The following LMNA variants were observed in gnomAD, a reference collection of about 807,000 sequenced individuals.
The protein encoded by LMNA is lamin.
In LMNA, 20 loss-of-function variants were observed where a neutral mutation model predicts 70.4. The ratio of observed to expected loss-of-function variants is 0.28; its 90% CI spans 0.20 to 0.41. LMNA has a LOEUF of 0.41. Ranked by LOEUF, LMNA falls within the 10% of genes least tolerant of loss-of-function variation. The probability of loss-of-function intolerance (pLI) is 1.00; values close to 1 mark genes in which losing one functional copy is unlikely to be tolerated. For synonymous variants in LMNA, 339 were observed against 372.8 expected, an observed-to-expected ratio of 0.91 and a Z score of 1.04; for missense variants, 652 against 917.2, an observed-to-expected ratio of 0.71 and a Z score of 3.73.
At chr1:156,105,131 G>T (rs1268722916) in intron 3 of LMNA, among the ~76,000 whole-genome samples, 1 of 152,176 alleles carries the variant, frequency 6.6e-6, no homozygotes, top group African/African-American at 2.4e-5. Flanking sequence ...AGTGAGGTGG[G>T]CTCTTGGCAT....
intron 1 of LMNA, among the ~76,000 whole-genome samples, chr1:156,118,316 T>C (rs1332044119): frequency 6.6e-6 from 1 of 152,116 alleles, no homozygotes; most frequent in Non-Finnish European, 1.5e-5. Context: ...ACAGATTGAG[T>C]GGATTCGATA....
At chr1:156,119,214 T>C (rs1022374403) in intron 1 of LMNA, among the ~76,000 whole-genome samples, 2 of 151,270 alleles carry the variant, frequency 1.3e-5, no homozygotes, top group Non-Finnish European at 2.9e-5. Context: ...ACCTCCCAGG[T>C]TCAAGCGATT....
In LMNA at chr1:156,137,203, C is replaced by A; in HGVS notation, c.1579C>A (p.Arg527Ser). 6.3e-7 allele frequency: 1 copy of A among 1,599,164 alleles called. No homozygotes were observed. The highest frequency in any genetic ancestry group is 2.3e-5 in the East Asian group (1 of 44,306). Residue 527 changes from arginine (R) to serine (S), a missense_variant, in exon 9 of 12, where the codon CGT becomes AGT. Arg to Ser is a moderately radical substitution (Grantham distance 110). Around this residue, in one of 4 missense-constraint regions of LMNA, gnomAD observed 327 missense variants for 387.6 expected, o/e 0.84. Transcript: ENST00000368300. This position sits in a 1 kb window ranked among gnomAD's most constrained non-coding sequence, Gnocchi z 4.6. ...CACCTGGGGCTGCGGGAACAGCCTGCGTACGGCTCTCATCAACTCCACTGG... is the reference window on the plus strand; with the variant it reads ...CACCTGGGGCTGCGGGAACAGCCTGAGTACGGCTCTCATCAACTCCACTGG... ...QNTWGCGNSL[R>S]TALINSTGEE...
intron 2 of LMNA, chr1:156,083,296 T>A (rs536923713): frequency 6.6e-6 from 1 of 151,718 alleles, no homozygotes; most frequent in Non-Finnish European, 1.5e-5. Context: ...GGACGGAGAG[T>A]GGGCAGGCAG....
chr1:156,102,469 C>T (rs1649176135), intron 3 of LMNA, among the ~76,000 whole-genome samples: 1 of 152,204 alleles, frequency 6.6e-6, no homozygotes, highest in South Asian at 2.1e-4. Context: ...CATTCTTGTC[C>T]TAAAACTGGG....
intron 2 of LMNA, among the ~76,000 whole-genome samples, chr1:156,087,536 C>T (rs11264434): frequency 0.26 from 40,034 of 151,526 alleles, 7,082 homozygotes; most frequent in East Asian, 0.72. Flanking sequence ...CCATCGCGCC[C>T]GGCTCCCATT....
chr1:156,106,332 C>T (rs1031848182), intron 3 of LMNA, among the ~76,000 whole-genome samples: 34 of 152,348 alleles, frequency 2.2e-4, no homozygotes, highest in African/African-American at 7.9e-4. Flanking sequence ...GGGCCCTCTC[C>T]TCCAGCTCCA....
At chr1:156,091,508 A>G (rs1366203939) in intron 3 of LMNA, among the ~76,000 whole-genome samples, 1 of 152,156 alleles carries the variant, frequency 6.6e-6, no homozygotes, top group African/African-American at 2.4e-5. Context: ...AGGCTGAGGC[A>G]GGAGAATCTC....
In LMNA at chr1:156,137,020, G is replaced by T. The variant is rs760277884; in HGVS notation, c.1480G>T (p.Val494Leu). The T allele has an allele frequency of 1.2e-6, 2 of 1,614,114 alleles. No homozygotes were observed. The highest frequency in any genetic ancestry group is 1.7e-6 in the Non-Finnish European group (2 of 1,180,048). Reference protein sequence around the residue: ...PPKFTLKAGQVVTIWAAGAGA... With the variant: ...PPKFTLKAGQLVTIWAAGAGA... ...AAAGTTCACCCTGAAGGCTGGGCAG[G>T]TGGTGACGGTGAGTGGCAGGGCGCT... is the stretch of plus-strand genomic sequence containing the variant. The change falls in exon 8 of 12, where the codon GTG becomes TTG. Residue 494 changes from valine (V) to leucine (L), a missense_variant. This residue lies in a region of LMNA where 327 missense variants were observed against 387.6 expected (regional missense o/e 0.84). Coordinates refer to ENST00000368300, the MANE Select transcript of LMNA (RefSeq NM_170707.4). The surrounding 1 kb of genome is among the most constrained non-coding windows in gnomAD (Gnocchi z 4.6).
chr1:156,093,197 ACTTT>A (rs573189583), intron 3 of LMNA, among the ~76,000 whole-genome samples: 1 of 150,636 alleles, frequency 6.6e-6, no homozygotes, highest in Non-Finnish European at 1.5e-5. Flanking sequence ...GCCCACATGG[ACTTT>A]CTTTCAGGGC....
rs753243743 is a variant in LMNA at position 156,134,894 on chromosome 1, T to C, written c.729T>C (p.Asp243=). ...GTGAGTTTGAGAGCCGGCTGGCGGATGCGCTGCAGGAACTGCGGGCCCAGC... is the reference window on the plus strand; with the variant it reads ...GTGAGTTTGAGAGCCGGCTGGCGGACGCGCTGCAGGAACTGCGGGCCCAGC... ...KQREFESRLA[D]ALQELRAQHE... is the part of the protein sequence containing the mutation. Residue 243 remains aspartate, a synonymous_variant, in exon 4 of 12, where the codon GAT becomes GAC. Transcript: ENST00000368300. The surrounding 1 kb of genome is among the most constrained non-coding windows in gnomAD (Gnocchi z 5.3). 5 of 1,614,198 alleles carry C rather than the reference T, an allele frequency of 3.1e-6. No individual in the cohort carries two copies. The highest frequency in any genetic ancestry group is 4.2e-6 in the Non-Finnish European group (5 of 1,180,036).
intron 1 of LMNA, among the ~76,000 whole-genome samples, chr1:156,118,253 A>C (rs1649972203): frequency 1.3e-5 from 2 of 152,164 alleles, no homozygotes; most frequent in Non-Finnish European, 2.9e-5. Flanking sequence ...AAGCCCTGTG[A>C]AGGACATTTT....
intron 3 of LMNA, among the ~76,000 whole-genome samples, chr1:156,107,778 G>A (rs1313266798): frequency 3.9e-5 from 6 of 151,928 alleles, no homozygotes; most frequent in African/African-American, 9.7e-5. Context: ...TTACAACCTC[G>A]TGGAGTTTGG....
At chr1:156,132,426 G>T (rs1178251937) in intron 2 of LMNA, among the ~76,000 whole-genome samples, 1 of 150,468 alleles carries the variant, frequency 6.6e-6, no homozygotes, top group East Asian at 2.0e-4. Flanking sequence ...GCCAAGATCG[G>T]GTCACAGCAC....
chr1:156,130,812 A>C, intron 2 of LMNA, 39 bp downstream of exon 2: 1 of 1,545,996 alleles, frequency 6.5e-7, no homozygotes. Flanking sequence ...GGCCCCACCT[A>C]ACACATGTAC....
chr1:156,105,477 TC>T (rs1478436781), intron 3 of LMNA, among the ~76,000 whole-genome samples: 2 of 150,490 alleles, frequency 1.3e-5, no homozygotes. Flanking sequence ...CCAGGAAATC[TC>T]CTGCAGATTC....
rs1490211361 is a variant in LMNA, at chr1:156,138,148, C to T, written c.1699-340C>T. Reference sequence around the variant, plus strand: ...AAGAATGTTCTCTCTCATTCCTGACCGCCCCTCCACTCCAATTAATAGTGC... The same window carrying T: ...AAGAATGTTCTCTCTCATTCCTGACTGCCCCTCCACTCCAATTAATAGTGC... On this transcript the variant is annotated intron_variant, in intron 10 of 11. Coordinates refer to ENST00000368300, the MANE Select transcript of LMNA (RefSeq NM_170707.4). The surrounding 1 kb of genome is among the most constrained non-coding windows in gnomAD (Gnocchi z 5.5). 1.7e-5 allele frequency: 9 copies of T among 533,068 alleles called. No homozygotes were observed. Among genetic ancestry groups the T allele is most frequent in the South Asian group, 1.3e-4 (6 of 46,168 alleles). 33.0% of individuals were successfully genotyped at this position (533,068 alleles called of 1,614,324 possible). A position where few individuals can be genotyped will look rare whatever the true frequency, so the allele number is the denominator to read the frequency against.
chr1:156,132,840 T>C (rs1005839439), intron 2 of LMNA, among the ~76,000 whole-genome samples: 5 of 144,692 alleles, frequency 3.5e-5, no homozygotes, highest in African/African-American at 5.0e-5. Flanking sequence ...TCTCTCTCTT[T>C]TTTTTTTTTT....
In LMNA at chr1:156,130,632, G is replaced by A. The variant is rs1572352924; in HGVS notation, c.372G>A (p.Glu124=). The change falls in exon 2 of 12, where the codon GAG becomes GAA. Residue 124 remains glutamate (E), a synonymous_variant. Transcript: ENST00000368300. ...TCTTCTTTAGCAATACCAAGAAGGA[G>A]GGTGACCTGATAGCTGCTCAGGCTC... The part of the protein sequence containing the change: ...KELKARNTKK[E]GDLIAAQARL... 7 of 1,614,060 alleles carry A rather than the reference G, an allele frequency of 4.3e-6. No homozygotes were observed. The highest frequency in any genetic ancestry group is 5.9e-6 in the Non-Finnish European group (7 of 1,180,024).
Sources: gnomAD v4.1 joint callset for allele counts (sites outside exome capture counted in the v4.1 genomes callset) on GRCh38, gnomAD v4.1.1 for gene constraint, gnomAD v4.1.1 regional missense constraint, Gnocchi (gnomAD v3.1) non-coding constraint, MANE v1.5 for transcripts, NCBI Gene and HGNC (gene_info 2026-07-23, HGNC 2026-07-21) for gene names.